The following ENPP6 variants were observed in gnomAD, a reference collection of about 807,000 sequenced individuals.
The protein encoded by ENPP6 is ectonucleotide pyrophosphatase/phosphodiesterase 6, also known as glycerophosphocholine cholinephosphodiesterase ENPP6.
A neutral mutation model predicts 42.0 loss-of-function variants in ENPP6; 32 were observed. That is an observed-to-expected ratio of 0.76 (90% CI 0.58 to 1.02). ENPP6 has a LOEUF of 1.02. ENPP6 is among the 50% of genes least tolerant of loss of function. ENPP6 has a pLI of 0.00. For missense variants in ENPP6, 552 were observed against 566.8 expected (o/e 0.97, Z 0.27); for synonymous variants, 213 against 216.0 (o/e 0.99, Z 0.12).
intron 2 of ENPP6, among the ~76,000 whole-genome samples, chr4:184,134,101 T>C (rs1736688238): frequency 6.6e-6 from 1 of 151,142 alleles, no homozygotes; most frequent in Non-Finnish European, 1.5e-5. Context: ...CATTTTTGTA[T>C]CAAGATTACA....
At chr4:184,196,275 C>A (rs182089008) in intron 1 of ENPP6, among the ~76,000 whole-genome samples, 1 of 152,246 alleles carries the variant, frequency 6.6e-6, no homozygotes, top group East Asian at 1.9e-4. Context: ...CTGTGCTTCC[C>A]CTGTGCCTGT....
intron 1 of ENPP6, among the ~76,000 whole-genome samples, chr4:184,173,732 C>G (rs191369726): frequency 6.6e-6 from 1 of 152,140 alleles, no homozygotes; most frequent in African/African-American, 2.4e-5. Context: ...GTTAAAACAC[C>G]CACCCATTTC....
intron 2 of ENPP6, among the ~76,000 whole-genome samples, chr4:184,138,421 A>G (rs1736765988): frequency 6.6e-6 from 1 of 152,224 alleles, no homozygotes; most frequent in African/African-American, 2.4e-5. Context: ...CAAGCACTGG[A>G]AACATCTTTT....
intron 1 of ENPP6, among the ~76,000 whole-genome samples, chr4:184,212,896 G>A (rs916347270): frequency 3.3e-5 from 5 of 152,072 alleles, no homozygotes; most frequent in African/African-American, 7.3e-5. Context: ...CAGAGATATC[G>A]ATCAATGGAA....
chr4:184,129,647 T>C (rs1736562868), intron 2 of ENPP6, among the ~76,000 whole-genome samples: 1 of 152,208 alleles, frequency 6.6e-6, no homozygotes, highest in South Asian at 2.1e-4. Context: ...AGCATCTTTA[T>C]TACAATATTA....
chr4:184,161,774 C>T (rs1179507658), intron 1 of ENPP6, among the ~76,000 whole-genome samples: 1 of 152,058 alleles, frequency 6.6e-6, no homozygotes, highest in African/African-American at 2.4e-5. Flanking sequence ...AGTGAAGTAA[C>T]TCAGAAATGG....
At chr4:184,207,898 G>C (rs1004539425) in intron 1 of ENPP6, among the ~76,000 whole-genome samples, 3 of 152,222 alleles carry the variant, frequency 2.0e-5, no homozygotes, top group African/African-American at 7.2e-5. Context: ...CCGCCTGCGA[G>C]GGCCGCCTTG....
At chr4:184,179,557 A>G (rs1732515365) in intron 1 of ENPP6, among the ~76,000 whole-genome samples, 1 of 152,246 alleles carries the variant, frequency 6.6e-6, no homozygotes, top group African/African-American at 2.4e-5. Context: ...ACAACAGAAT[A>G]TACATTCTTC....
intron 6 of ENPP6, among the ~76,000 whole-genome samples, chr4:184,109,266 T>G (rs1736160513): frequency 6.6e-6 from 1 of 151,766 alleles, no homozygotes; most frequent in African/African-American, 2.4e-5. Flanking sequence ...CAAAAAGAAC[T>G]AACAATATCC....
At chr4:184,160,137 T>A (rs897855370) in intron 1 of ENPP6, among the ~76,000 whole-genome samples, 5 of 152,222 alleles carry the variant, frequency 3.3e-5, no homozygotes, top group African/African-American at 1.2e-4. Flanking sequence ...CTTTTTTATA[T>A]AATGACTTCT....
Position 184,091,282 on chromosome 4 carries a change from G to C in ENPP6, c.1218C>G (p.Ser406=). The part of the protein sequence containing the change: ...VGITPLPNNG[S]WSRVMCMLKG... ...TCAGCATGCACATCACCCTGGACCA[G>C]GATCCGTTGTTGGGCAGCGGGGTGA... The change falls in exon 8 of 8, where the codon TCC becomes TCG. Residue 406 remains serine (S), a synonymous_variant. Transcript: ENST00000296741. 11 of 1,613,962 alleles carry C rather than the reference G, an allele frequency of 6.8e-6. No individual in the cohort carries two copies. The highest frequency in any genetic ancestry group is 9.3e-6 in the Non-Finnish European group (11 of 1,179,960).
intron 2 of ENPP6, among the ~76,000 whole-genome samples, chr4:184,133,345 C>T (rs899941753): frequency 1.3e-5 from 2 of 151,986 alleles, no homozygotes; most frequent in Non-Finnish European, 2.9e-5. Context: ...AGTTCTTGAG[C>T]CATTTTTATT....
chr4:184,162,645 A>G (rs941142835), intron 1 of ENPP6, among the ~76,000 whole-genome samples: 1 of 152,090 alleles, frequency 6.6e-6, no homozygotes, highest in Non-Finnish European at 1.5e-5. Flanking sequence ...AGGGCTTCCT[A>G]TTGAAGTAGG....
chr4:184,134,160 T>TTTATTTATTTATTTATTTA (rs1378300335), intron 2 of ENPP6, among the ~76,000 whole-genome samples: 1 of 43,184 alleles, frequency 2.3e-5, no homozygotes, highest in Non-Finnish European at 6.4e-5. Flanking sequence ...TTATTTATTT[T>TTTATTTATTTATTTATTTA]TAGAGCTGGT....
chr4:184,099,016 C>A (rs528720956), intron 6 of ENPP6, among the ~76,000 whole-genome samples: 2 of 152,356 alleles, frequency 1.3e-5, no homozygotes, highest in Admixed American at 6.5e-5. Flanking sequence ...CTGACACCAA[C>A]GTCCACTGAA....
At chr4:184,173,312 T>G (rs1737505238) in intron 1 of ENPP6, among the ~76,000 whole-genome samples, 1 of 152,186 alleles carries the variant, frequency 6.6e-6, no homozygotes, top group East Asian at 1.9e-4. Flanking sequence ...ATGTGGATGT[T>G]CAACACAATA....
At chr4:184,108,654 TTAA>T (rs1176978321) in intron 6 of ENPP6, among the ~76,000 whole-genome samples, 5 of 152,324 alleles carry the variant, frequency 3.3e-5, no homozygotes, top group African/African-American at 7.2e-5. Context: ...ATATGGTGTC[TTAA>T]TAATAAAAAT....
chr4:184,191,211 T>C (rs758322567), intron 1 of ENPP6, among the ~76,000 whole-genome samples: 34 of 152,258 alleles, frequency 2.2e-4, no homozygotes, highest in Non-Finnish European at 4.7e-4. Flanking sequence ...GTACTCATAG[T>C]TCTTCCATTT....
Position 184,097,191 on chromosome 4 carries a change from C to T in ENPP6, c.1117+54G>A, listed in dbSNP as rs553661984. 3.1e-6 allele frequency: 5 copies of T among 1,609,322 alleles called. No homozygotes were observed. In the African/African-American group the frequency reaches 5.3e-5, roughly 17 times the overall value. ...CTCCTGGCACCCGTAGCCCCCCTTACAGACACTTCCTTGGGAATGGGGTCT... is the reference window on the plus strand; with the variant it reads ...CTCCTGGCACCCGTAGCCCCCCTTATAGACACTTCCTTGGGAATGGGGTCT... On this transcript the variant is annotated intron_variant, in intron 7 of 7. Coordinates refer to ENST00000296741, the MANE Select transcript of ENPP6 (RefSeq NM_153343.4).
Sources: allele counts gnomAD v4.1 joint callset (sites outside exome capture counted in the v4.1 genomes callset), GRCh38; gene constraint gnomAD v4.1.1; transcripts MANE v1.5; gene names NCBI Gene and HGNC (gene_info 2026-07-23, HGNC 2026-07-21).